The following DLG3 variants were observed in gnomAD, a reference collection of about 807,000 sequenced individuals.
DLG3 encodes discs large MAGUK scaffold protein 3.
Under a neutral mutation model 64.1 loss-of-function variants are expected in DLG3, and 1 was observed. The ratio of observed to expected loss-of-function variants is 0.02; its 90% confidence interval spans 0.01 to 0.07. The LOEUF (loss-of-function observed/expected upper bound fraction) is 0.07, where lower values mean the gene tolerates loss of function less well. Ranked by LOEUF, DLG3 falls within the 10% of genes least tolerant of loss-of-function variation. The pLI is 1.00. For synonymous variants in DLG3, 245 were observed against 259.8 expected (o/e 0.94, Z 0.55); for missense variants, 429 against 669.5 (o/e 0.64, Z 3.96).
chrX:70,450,061 T>C, intron 4 of DLG3, 108 bp from the exon 5 acceptor site: 1 of 1,075,086 alleles, frequency 9.3e-7, no homozygotes, highest in South Asian at 2.1e-5. Context: ...CGGGGGGAGC[T>C]CCTGTGGGGC....
chrX:70,469,618 A>AT lies in DLG3; in HGVS notation c.1406-9523dup, dbSNP rs1208858884. ...CCACTATGCCTGGCTAATTTTTTGT[A>AT]TTTTTTTTTAGTAGAGATGGGGTTT... On this transcript the variant is annotated intron_variant, in intron 9 of 18. Coordinates refer to ENST00000374360, the MANE Select transcript of DLG3 (RefSeq NM_021120.4). Among the ~76,000 whole-genome samples, 17 of 105,491 alleles carry AT rather than the reference A, an allele frequency of 1.6e-4. No individual in the cohort carries two copies. In the East Asian group the frequency reaches 3.0e-3, roughly 19 times the overall value. The allele number at this position is 105,491 out of a possible 115,157, so 91.6% of individuals were successfully genotyped here.
At chrX:70,500,272 C>T (rs1346975529) in intron 16 of DLG3, among the ~76,000 whole-genome samples, 199 bp from the exon 17 acceptor site, 2 of 111,498 alleles carry the variant, frequency 1.8e-5, no homozygotes, top group African/African-American at 6.5e-5. Flanking sequence ...ACAGATGTGG[C>T]CTTTTCTGGG....
At chrX:70,500,786 T>C (rs2087541919) in intron 17 of DLG3, 112 bp from the exon 18 acceptor site, 1 of 793,229 alleles carries the variant, frequency 1.3e-6, no homozygotes, top group Non-Finnish European at 1.9e-6. Context: ...TACGGGCCAC[T>C]GCTGCTCTGA....
At chrX:70,479,290 C>T in intron 10 of DLG3, 26 bp downstream of exon 10, 3 of 1,096,045 alleles carry the variant, frequency 2.7e-6, no homozygotes, top group Non-Finnish European at 3.8e-6. Flanking sequence ...GAGCACTAGC[C>T]CTTGTGCTGG....
At chrX:70,501,369 C>T (rs757695676) in intron 18 of DLG3, among the ~76,000 whole-genome samples, 16 of 107,392 alleles carry the variant, frequency 1.5e-4, no homozygotes, top group Non-Finnish European at 2.1e-4. Context: ...GATGATTCCT[C>T]GGTGTGCTGT....
At chrX:70,495,296 T>A in intron 12 of DLG3, 112 bp from the exon 13 acceptor site, 1 of 724,918 alleles carries the variant, frequency 1.4e-6, no homozygotes, top group Non-Finnish European at 2.2e-6. Flanking sequence ...TTTTTCTCTA[T>A]TTTTTCTCTT....
intron 1 of DLG3, among the ~76,000 whole-genome samples, chrX:70,448,278 A>T: frequency 8.9e-6 from 1 of 111,902 alleles, no homozygotes; most frequent in Non-Finnish European, 1.9e-5. Context: ...TTAAGAGCTT[A>T]CTGTAATCAA....
intron 10 of DLG3, among the ~76,000 whole-genome samples, chrX:70,480,039 T>G (rs1299667588): frequency 8.9e-6 from 1 of 111,971 alleles, no homozygotes; most frequent in Non-Finnish European, 1.9e-5. Context: ...TCTTCCTGCT[T>G]TGGCTTCTTG....
intron 9 of DLG3, among the ~76,000 whole-genome samples, chrX:70,475,860 C>T (rs1402305031): frequency 8.9e-6 from 1 of 111,938 alleles, no homozygotes; most frequent in Non-Finnish European, 1.9e-5. Context: ...GAAGGATTTG[C>T]AATTGTATTA....
rs199826501 is a variant in DLG3, at chrX:70,495,360, C to T, written c.1774-48C>T. 1.0e-5 allele frequency: 12 copies of T among 1,156,636 alleles called. No individual in the cohort carries two copies. The East Asian group carries it at 2.1e-4, about 20-fold the overall frequency. ...CCCTCCCATCCCTTCCCCTTCCCCC[C>T]TCTTCTCCCCGTCGTCCTCTCTCCG... On this transcript the variant is annotated intron_variant, in intron 12 of 18. Transcript: ENST00000374360.
intron 1 of DLG3, among the ~76,000 whole-genome samples, chrX:70,446,504 G>T (rs189953748): frequency 8.9e-6 from 1 of 112,487 alleles, no homozygotes; most frequent in Non-Finnish European, 1.9e-5. Flanking sequence ...CCTGGAGCCG[G>T]CAAGGGGCAG....
chrX:70,495,967 T>A (rs1428915264), intron 13 of DLG3, among the ~76,000 whole-genome samples: 1 of 111,785 alleles, frequency 8.9e-6, no homozygotes, highest in Non-Finnish European at 1.9e-5. Flanking sequence ...ACAGCCACTG[T>A]TTGGCTTCCC....
intron 12 of DLG3, chrX:70,493,383 A>G (rs1400246208): frequency 8.3e-7 from 1 of 1,207,834 alleles, no homozygotes; most frequent in Non-Finnish European, 1.1e-6. Flanking sequence ...CAGTCGATCA[A>G]AACGAAACGT....
At chrX:70,496,612 C>G (rs1271893102) in intron 13 of DLG3, among the ~76,000 whole-genome samples, 1 of 112,437 alleles carries the variant, frequency 8.9e-6, no homozygotes, top group Non-Finnish European at 1.9e-5. Flanking sequence ...CTTCCCCTCT[C>G]ACCACTGAAG....
intron 10 of DLG3, among the ~76,000 whole-genome samples, chrX:70,491,591 C>CA (rs757921235): frequency 8.9e-6 from 1 of 112,548 alleles, no homozygotes; most frequent in Non-Finnish European, 1.9e-5. Context: ...TCTATGGTCC[C>CA]ATTGGTCTTT....
chrX:70,448,863 T>C, intron 1 of DLG3, 50 bp from the exon 2 acceptor site: 1 of 1,189,619 alleles, frequency 8.4e-7, no homozygotes, highest in Non-Finnish European at 1.1e-6. Context: ...AAGGGGCAGA[T>C]GGCTGGAAGG....
At chrX:70,470,822 G>C (rs2086957040) in intron 9 of DLG3, among the ~76,000 whole-genome samples, 2 of 111,911 alleles carry the variant, frequency 1.8e-5, no homozygotes, top group Non-Finnish European at 3.8e-5. Flanking sequence ...CAGAGGCTTA[G>C]AGGAGAGACG....
At chrX:70,482,116 C>G (rs1238105939) in intron 10 of DLG3, among the ~76,000 whole-genome samples, 2 of 112,408 alleles carry the variant, frequency 1.8e-5, no homozygotes, top group Admixed American at 9.4e-5. Flanking sequence ...AGGCAGATCT[C>G]TGCTCAACAT....
intron 13 of DLG3, chrX:70,497,196 C>T (rs750206423): frequency 1.7e-6 from 2 of 1,211,429 alleles, no homozygotes; most frequent in Non-Finnish European, 2.2e-6. Context: ...TGACATCCAA[C>T]ACCAGTGACA....
Sources: allele counts gnomAD v4.1 joint callset (sites outside exome capture counted in the v4.1 genomes callset), GRCh38; gene constraint gnomAD v4.1.1; transcripts MANE v1.5; gene names NCBI Gene and HGNC (gene_info 2026-07-23, HGNC 2026-07-21).